CSMD1: variants seen among roughly 807,000 people sequenced by gnomAD.
CSMD1 encodes CUB and sushi domain-containing protein 1.
Under a neutral mutation model 417.5 loss-of-function variants are expected in CSMD1, and 213 were observed. The ratio of observed to expected loss-of-function variants is 0.51; its 90% CI spans 0.46 to 0.57. The LOEUF (loss-of-function observed/expected upper bound fraction) is 0.57, where lower values mean the gene tolerates loss of function less well. Among genes scored for constraint, CSMD1 ranks in the 20% least tolerant of loss-of-function variants. The pLI, the probability that CSMD1 is intolerant of heterozygous loss-of-function variation, is 0.00. For synonymous variants in CSMD1, 2,862 were observed against 1,736.8 expected (o/e 1.65, Z -16.11); for missense variants, 6,923 against 4,529.7 (o/e 1.53, Z -15.17).
intron 3 of CSMD1, among the ~76,000 whole-genome samples, chr8:4,405,696 G>A (rs893220157): frequency 6.6e-6 from 1 of 152,178 alleles, no homozygotes; most frequent in African/African-American, 2.4e-5. Flanking sequence ...CATAAAACAG[G>A]ATGTGTCTAT....
intron 3 of CSMD1, among the ~76,000 whole-genome samples, chr8:4,331,840 A>G (rs1056772294): frequency 9.2e-5 from 14 of 152,142 alleles, no homozygotes; most frequent in Admixed American, 6.6e-4. Flanking sequence ...CTGTTTCCTC[A>G]TAGCACAATC....
At chr8:4,119,009 C>T (rs1429175004) in intron 3 of CSMD1, among the ~76,000 whole-genome samples, 1 of 152,170 alleles carries the variant, frequency 6.6e-6, no homozygotes, top group East Asian at 1.9e-4. Flanking sequence ...CCAAACACCA[C>T]ATGTTCTCAC....
chr8:4,685,997 C>A (rs549292011), intron 1 of CSMD1, among the ~76,000 whole-genome samples: 3 of 152,272 alleles, frequency 2.0e-5, no homozygotes, highest in South Asian at 2.1e-4. Context: ...GATTTTAAAA[C>A]CTTATTTTCT....
intron 5 of CSMD1, among the ~76,000 whole-genome samples, chr8:3,959,566 T>G (rs566112339): frequency 2.0e-5 from 3 of 152,316 alleles, no homozygotes; most frequent in African/African-American, 7.2e-5. Context: ...GTTCCCATAG[T>G]TTTTGTCTCT....
At chr8:4,760,261 G>A (rs913187926) in intron 1 of CSMD1, among the ~76,000 whole-genome samples, 8 of 152,134 alleles carry the variant, frequency 5.3e-5, no homozygotes, top group Admixed American at 4.6e-4. Flanking sequence ...TGCTTAAAAA[G>A]GAATGCAAAT....
At chr8:4,606,922 A>T (rs907077500) in intron 2 of CSMD1, among the ~76,000 whole-genome samples, 1 of 152,232 alleles carries the variant, frequency 6.6e-6, no homozygotes, top group South Asian at 2.1e-4. Context: ...GCTTTATTTC[A>T]TTGTACATGA....
intron 26 of CSMD1, among the ~76,000 whole-genome samples, chr8:3,262,172 T>C (rs1035058094): frequency 3.2e-5 from 4 of 125,384 alleles, no homozygotes; most frequent in African/African-American, 1.3e-4. Context: ...TTTCTAAAAT[T>C]ATGCTCATAT....
At chr8:3,350,173 C>A in intron 21 of CSMD1, among the ~76,000 whole-genome samples, 2 of 119,420 alleles carry the variant, frequency 1.7e-5, no homozygotes, top group Non-Finnish European at 3.4e-5. Flanking sequence ...GTTATAATAC[C>A]TATAATAACC....
chr8:4,807,274 A>G (rs560055196), intron 1 of CSMD1, among the ~76,000 whole-genome samples: 14 of 152,188 alleles, frequency 9.2e-5, no homozygotes, highest in African/African-American at 3.4e-4. Context: ...TCCCAGCCAC[A>G]TTGACTTTGG....
intron 28 of CSMD1, among the ~76,000 whole-genome samples, chr8:3,220,245 A>G (rs1798123473): frequency 2.6e-5 from 4 of 151,106 alleles, no homozygotes; most frequent in African/African-American, 9.7e-5. Flanking sequence ...ATCATGTTTC[A>G]CCATCACTGA....
chr8:3,891,414 T>G (rs1263999707), intron 5 of CSMD1, among the ~76,000 whole-genome samples: 1 of 152,078 alleles, frequency 6.6e-6, no homozygotes, highest in Non-Finnish European at 1.5e-5. Flanking sequence ...GTATGGTGGC[T>G]CACGCCTACA....
chr8:4,393,943 G>A (rs559791820), intron 3 of CSMD1, among the ~76,000 whole-genome samples: 1 of 152,130 alleles, frequency 6.6e-6, no homozygotes, highest in Non-Finnish European at 1.5e-5. Flanking sequence ...TATTGCCTGT[G>A]TTTCAGGTAT....
intron 4 of CSMD1, among the ~76,000 whole-genome samples, chr8:3,999,802 G>C (rs1314059021): frequency 3.3e-5 from 5 of 152,140 alleles, no homozygotes; most frequent in Non-Finnish European, 1.5e-5. Context: ...GACTACATGA[G>C]GGATGGGTGT....
intron 5 of CSMD1, among the ~76,000 whole-genome samples, chr8:3,947,269 C>T (rs1811292808): frequency 1.3e-5 from 2 of 152,088 alleles, no homozygotes; most frequent in South Asian, 4.1e-4. Flanking sequence ...GTTCTTTCCA[C>T]ATTTATTGAC....
intron 3 of CSMD1, among the ~76,000 whole-genome samples, chr8:4,415,122 G>A (rs985546583): frequency 2.6e-5 from 4 of 152,042 alleles, no homozygotes; most frequent in African/African-American, 4.8e-5. Flanking sequence ...ATGAAATAAC[G>A]TAAACTCAAT....
At chr8:4,586,360 CAG>C (rs1307291576) in intron 2 of CSMD1, among the ~76,000 whole-genome samples, 3 of 152,144 alleles carry the variant, frequency 2.0e-5, no homozygotes, top group Non-Finnish European at 4.4e-5. Flanking sequence ...ATTTCTCTCA[CAG>C]AGTGTTGATT....
chr8:4,696,014 A>G (rs1166156737), intron 1 of CSMD1, among the ~76,000 whole-genome samples: 1 of 152,214 alleles, frequency 6.6e-6, no homozygotes, highest in Non-Finnish European at 1.5e-5. Context: ...ACTGCACATT[A>G]GTCAGGAGAC....
intron 5 of CSMD1, among the ~76,000 whole-genome samples, chr8:3,868,231 G>C (rs368029490): frequency 5.5e-5 from 3 of 54,658 alleles, no homozygotes; most frequent in African/African-American, 2.6e-4. Flanking sequence ...GAACGAGGAT[G>C]GGGGGGCATC....
At chr8:3,319,300 G>C (rs1256387452) in intron 23 of CSMD1, among the ~76,000 whole-genome samples, 1 of 152,164 alleles carries the variant, frequency 6.6e-6, no homozygotes, top group Non-Finnish European at 1.5e-5. Flanking sequence ...TTTAACCACA[G>C]GGATTAGAAC....
Sources: allele counts gnomAD v4.1 joint callset (sites outside exome capture counted in the v4.1 genomes callset), GRCh38; gene constraint gnomAD v4.1.1; transcripts MANE v1.5; gene names NCBI Gene and HGNC (gene_info 2026-07-23, HGNC 2026-07-21).